Variants in HORMAD2 observed in about 807,000 individuals in gnomAD.
The protein encoded by HORMAD2 is HORMA domain-containing protein 2.
In HORMAD2, 45 loss-of-function variants were observed where a neutral mutation model predicts 38.8. The observed-to-expected ratio is 1.16, with a 90% CI of 0.91 to 1.49. HORMAD2 has a LOEUF of 1.49. Among genes scored for constraint, HORMAD2 ranks in the 40% most tolerant of loss-of-function variants. HORMAD2 has a pLI of 0.00. For missense variants in HORMAD2, 338 were observed against 367.0 expected, an observed-to-expected ratio of 0.92 and a Z score of 0.65; for synonymous variants, 126 against 122.8, an observed-to-expected ratio of 1.03 and a Z score of -0.17.
At chr22:30,203,595 A>C in the HORMAD2 span, among the ~76,000 whole-genome samples, 1 of 151,990 alleles carries the variant, frequency 6.6e-6, no homozygotes, top group African/African-American at 2.4e-5. Flanking sequence ...GCACACATAC[A>C]TTCACCCTTC....
intron 1 of HORMAD2, among the ~76,000 whole-genome samples, chr22:30,087,240 C>CAA (rs954268941): frequency 1.3e-5 from 2 of 152,116 alleles, no homozygotes; most frequent in African/African-American, 4.8e-5. Context: ...TGTGCTTGAG[C>CAA]AACTAGGTAT....
At chr22:30,147,589 G>GA (rs1044990014) in intron 10 of HORMAD2, among the ~76,000 whole-genome samples, 7 of 151,476 alleles carry the variant, frequency 4.6e-5, no homozygotes, top group Admixed American at 2.0e-4. Context: ...AACCATAAAA[G>GA]AAAAAAATAC....
chr22:30,176,056 C>T lies in HORMAD2; in HGVS notation c.820-7C>T, dbSNP rs1926438422. On this transcript the variant is annotated splice_region_variant and splice_polypyrimidine_tract_variant and intron_variant, in intron 10 of 10. Coordinates refer to ENST00000336726, the MANE Select transcript of HORMAD2 (RefSeq NM_152510.4). ...TGAATTGTGCCTCTCTCTGGTGATT[C>T]TCACAGATTCAAAGAATGAATTTTG... is the stretch of plus-strand genomic sequence containing the variant. The T allele has an allele frequency of 6.3e-7, 1 of 1,595,864 alleles. No individual in the cohort carries two copies. The highest frequency in any genetic ancestry group is 8.6e-7 in the Non-Finnish European group (1 of 1,163,914).
At chr22:30,113,673 T>C (rs1921830969) in intron 7 of HORMAD2, among the ~76,000 whole-genome samples, 1 of 150,218 alleles carries the variant, frequency 6.7e-6, no homozygotes, top group Admixed American at 6.6e-5. Flanking sequence ...CTTTACTCTC[T>C]TTGTCTTTCT....
intron 1 of HORMAD2, among the ~76,000 whole-genome samples, chr22:30,085,207 T>C (rs577026423): frequency 2.6e-5 from 4 of 152,142 alleles, no homozygotes; most frequent in African/African-American, 9.6e-5. Flanking sequence ...GTTTCATTTA[T>C]ATGTAATGTT....
intron 8 of HORMAD2, 61 bp from the exon 9 acceptor site, chr22:30,121,571 C>T (rs1922431182): frequency 6.0e-6 from 8 of 1,334,698 alleles, no homozygotes; most frequent in Non-Finnish European, 6.9e-6. Flanking sequence ...AGTTTTGTTC[C>T]TTTTGGGATA....
chr22:30,203,005 C>T, the HORMAD2 span, among the ~76,000 whole-genome samples: 1 of 152,170 alleles, frequency 6.6e-6, no homozygotes, highest in African/African-American at 2.4e-5. Context: ...GTGCACACGG[C>T]CAAGATCAAC....
chr22:30,202,973 C>T, the HORMAD2 span, among the ~76,000 whole-genome samples: 1 of 152,300 alleles, frequency 6.6e-6, no homozygotes. Context: ...ACGGTCTGGC[C>T]TAGGAGGCTG....
intron 5 of HORMAD2, among the ~76,000 whole-genome samples, chr22:30,108,001 T>G (rs975264864): frequency 6.6e-6 from 1 of 151,730 alleles, no homozygotes; most frequent in East Asian, 2.0e-4. Context: ...CCCAAGTAGC[T>G]GGGACTACAG....
At chr22:30,108,278 A>G (rs1367430198) in intron 5 of HORMAD2, among the ~76,000 whole-genome samples, 2 of 152,108 alleles carry the variant, frequency 1.3e-5, no homozygotes, top group Admixed American at 1.3e-4. Flanking sequence ...AAGTCTGATC[A>G]TGTCATTCTT....
chr22:30,083,046 A>T (rs1025199794), intron 1 of HORMAD2, among the ~76,000 whole-genome samples: 1 of 152,172 alleles, frequency 6.6e-6, no homozygotes, highest in Non-Finnish European at 1.5e-5. Flanking sequence ...AGAAAGGAGT[A>T]TTGCTTGAGC....
the HORMAD2 span, among the ~76,000 whole-genome samples, chr22:30,189,625 G>A: frequency 3.3e-5 from 5 of 152,206 alleles, no homozygotes; most frequent in South Asian, 4.1e-4. Flanking sequence ...TACATGGCAC[G>A]TGTACCATGG....
chr22:30,168,763 G>A (rs1315082043), intron 10 of HORMAD2, among the ~76,000 whole-genome samples: 4 of 151,938 alleles, frequency 2.6e-5, no homozygotes, highest in Admixed American at 6.6e-5. Context: ...ACTTCACTGC[G>A]GCTTTTGGTC....
intron 7 of HORMAD2, among the ~76,000 whole-genome samples, chr22:30,118,586 AC>A (rs1922216142): frequency 2.6e-5 from 4 of 152,198 alleles, no homozygotes; most frequent in Admixed American, 6.5e-5. Flanking sequence ...AAAAACAGGG[AC>A]CTTTTCTGTC....
At chr22:30,198,855 C>T in the HORMAD2 span, among the ~76,000 whole-genome samples, 1 of 152,202 alleles carries the variant, frequency 6.6e-6, no homozygotes, top group Non-Finnish European at 1.5e-5. Context: ...TGGTCATTCT[C>T]ATGTAATGAG....
chr22:30,179,608 C>CA (rs2123757062), downstream of HORMAD2, among the ~76,000 whole-genome samples: 1 of 152,324 alleles, frequency 6.6e-6, no homozygotes, highest in South Asian at 2.1e-4. Context: ...CCCTTGGGTG[C>CA]ACAATATCTC....
At chr22:30,096,974 TAATG>T (rs752359776) in intron 2 of HORMAD2, among the ~76,000 whole-genome samples, 131 of 152,302 alleles carry the variant, frequency 8.6e-4, no homozygotes, top group Non-Finnish European at 1.5e-3. Context: ...AATAGTATAT[TAATG>T]AATGAAGTTC....
chr22:30,139,499 G>A, intron 10 of HORMAD2, among the ~76,000 whole-genome samples: 1 of 151,194 alleles, frequency 6.6e-6, no homozygotes, highest in East Asian at 1.9e-4. Flanking sequence ...TTTTTTTAGA[G>A]GATTCCTGAG....
intron 10 of HORMAD2, among the ~76,000 whole-genome samples, chr22:30,174,591 T>C (rs748030554): frequency 2.6e-5 from 4 of 152,186 alleles, no homozygotes; most frequent in Admixed American, 6.5e-5. Flanking sequence ...ATTTGAACAA[T>C]GAAAGAAAAA....
Sources: allele counts gnomAD v4.1 joint callset (sites outside exome capture counted in the v4.1 genomes callset), GRCh38; gene constraint gnomAD v4.1.1; transcripts MANE v1.5; gene names NCBI Gene and HGNC (gene_info 2026-07-23, HGNC 2026-07-21).